Variants in PMPCB observed in about 807,000 individuals in gnomAD.
PMPCB encodes the protein peptidase, mitochondrial processing subunit beta.
Under a neutral mutation model 61.5 loss-of-function variants are expected in PMPCB, and 46 were observed. The observed-to-expected ratio is 0.75, with a 90% CI of 0.59 to 0.96. The LOEUF (loss-of-function observed/expected upper bound fraction) is 0.96, where lower values mean the gene tolerates loss of function less well. Among genes scored for constraint, PMPCB ranks in the 40% least tolerant of loss-of-function variants. The pLI, the probability that PMPCB is intolerant of heterozygous loss-of-function variation, is 0.00. For missense variants in PMPCB, 590 were observed against 602.4 expected (o/e 0.98, Z 0.22); for synonymous variants, 191 against 201.6 (o/e 0.95, Z 0.44).
the PMPCB span, chr7:103,344,858 T>C: frequency 1.7e-6 from 1 of 581,778 alleles, no homozygotes; most frequent in South Asian, 2.1e-5. Flanking sequence ...AGTTCTATAC[T>C]GACTGAGATC....
At position 103,312,269 on chromosome 7, in the gene PMPCB, T is replaced by A. The variant is rs1817786655; in HGVS notation, c.1468T>A (p.Ter490LysextTer33). Residue 490 changes from the stop codon to lysine (K), a stop_lost, in exon 13 of 13, where the codon TAA becomes AAA. Coordinates refer to ENST00000249269, the MANE Select transcript of PMPCB (RefSeq NM_004279.3). Reference sequence around the variant, plus strand: ...CAGTAACATGTGTTGGCTTCGTGATTAAAATGCTCCTAATCAAGATTGTTT... The same window carrying A: ...CAGTAACATGTGTTGGCTTCGTGATAAAAATGCTCCTAATCAAGATTGTTT... ...IRSNMCWLRD[*>K] is the part of the protein sequence containing the mutation. 5.6e-6 allele frequency: 9 copies of A among 1,610,426 alleles called. No homozygotes were observed. Among genetic ancestry groups the A allele is most frequent in the Non-Finnish European group, 7.6e-6 (9 of 1,179,894 alleles).
intron 1 of PMPCB, 107 bp downstream of exon 1, chr7:103,297,665 C>G: frequency 6.4e-7 from 1 of 1,550,450 alleles, no homozygotes; most frequent in Non-Finnish European, 8.7e-7. Context: ...GGCAGGGCCT[C>G]CTCGACCCGG....
chr7:103,314,075 G>T lies in PMPCB; in HGVS notation c.*1804G>T, dbSNP rs551638352. The stretch of plus-strand genomic sequence containing the variant: ...CACCACCTATTCAAAACAAAGCAGA[G>T]AATTTGTATAATATTTGATGGTACC... On this transcript the variant is annotated 3_prime_UTR_variant, in exon 13 of 13. Coordinates refer to ENST00000249269, the MANE Select transcript of PMPCB (RefSeq NM_004279.3). 1.6e-4 allele frequency: 159 copies of T among 985,340 alleles called. 1 individual carries two copies. In the Admixed American group the frequency reaches 9.2e-3, roughly 57 times the overall value. The allele number at this position is 985,340 out of a possible 1,614,324, so 61.0% of individuals were successfully genotyped here. A position where few individuals can be genotyped will look rare whatever the true frequency, so the allele number is the denominator to read the frequency against.
the PMPCB span, among the ~76,000 whole-genome samples, chr7:103,346,788 T>C: frequency 6.6e-6 from 1 of 152,078 alleles, no homozygotes; most frequent in Non-Finnish European, 1.5e-5. Context: ...TAGCTTATAC[T>C]AGAATTTCAT....
Position 103,298,581 on chromosome 7 carries a change from G to A in PMPCB, c.113G>A (p.Gly38Glu), listed in dbSNP as rs1586036310. Reference sequence around the variant, plus strand: ...ACCCCCAACCAGTCATTATATTTTGGAGAGAACAGATTAAGAAGTACACAG... The same window carrying A: ...ACCCCCAACCAGTCATTATATTTTGAAGAGAACAGATTAAGAAGTACACAG... Reference protein sequence around the residue: ...RGAAGRSLYFGENRLRSTQAA... With the variant: ...RGAAGRSLYFEENRLRSTQAA... The change falls in exon 2 of 13, where the codon GGA becomes GAA. Residue 38 changes from glycine to glutamate, a missense_variant. Gly to Glu is a moderately conservative substitution (Grantham distance 98, BLOSUM62 -2). Coordinates refer to ENST00000249269, the MANE Select transcript of PMPCB (RefSeq NM_004279.3). 1.9e-6 allele frequency: 3 copies of A among 1,613,886 alleles called. No homozygotes were observed. The highest frequency in any genetic ancestry group is 1.7e-4 in the Middle Eastern group (1 of 6,050).
Position 103,307,602 on chromosome 7 carries a change from C to T in PMPCB, c.743C>T (p.Ser248Phe), listed in dbSNP as rs1231603115. ...RIVLAAAGGV[S>F]HDELLDLAKF... is the part of the protein sequence containing the mutation. ...ATATTTTCTTTCAATTTAGGTGTTT[C>T]CCATGATGAATTGCTTGACTTAGCA... Residue 248 changes from serine to phenylalanine, a missense_variant, in exon 7 of 13, where the codon TCC (serine) becomes TTC (phenylalanine). Physicochemically the swap from Ser to Phe is radical, Grantham distance 155 (BLOSUM62 -2). Transcript: ENST00000249269. 6.3e-7 allele frequency: 1 copy of T among 1,596,158 alleles called. No homozygotes were observed. The highest frequency in any genetic ancestry group is 2.2e-5 in the East Asian group (1 of 44,784).
downstream of PMPCB, chr7:103,319,635 C>G (rs773634289): frequency 3.1e-6 from 5 of 1,614,112 alleles, no homozygotes; most frequent in Non-Finnish European, 4.2e-6. Flanking sequence ...GCCTTTCCTA[C>G]TTCTTTTGTG....
chr7:103,321,799 G>A (rs1195310707), intron 12 of PMPCB: 1 of 957,918 alleles, frequency 1.0e-6, no homozygotes, highest in African/African-American at 1.7e-5. Flanking sequence ...GGTGAACTGA[G>A]ATCGCGCCAC....
At chr7:103,322,383 C>T in intron 12 of PMPCB, 1 of 1,000,842 alleles carries the variant, frequency 1.0e-6, no homozygotes, top group South Asian at 1.8e-5. Flanking sequence ...GGTCATGATT[C>T]ATTCACAGTA....
At position 103,313,413 on chromosome 7, in the gene PMPCB, T is replaced by TTATAG. The variant is rs1215166593; in HGVS notation, c.*1145_*1149dup. Reference sequence around the variant, plus strand: ...GACTGGTAAAAAGCCATATTTAAATTTATAGTACTGTTGGACTCTTGGACT... The same window carrying TTATAG: ...GACTGGTAAAAAGCCATATTTAAATTTATAGTATAGTACTGTTGGACTCTTGGACT... On this transcript the variant is annotated 3_prime_UTR_variant, in exon 13 of 13. Transcript: ENST00000249269. 1 of 983,928 alleles carries TTATAG rather than the reference T, an allele frequency of 1.0e-6. No homozygotes were observed. The highest frequency in any genetic ancestry group is 1.7e-5 in the African/African-American group (1 of 57,216). The allele number at this position is 983,928 out of a possible 1,614,324, so 60.9% of individuals were successfully genotyped here. A position where few individuals can be genotyped will look rare whatever the true frequency, so the allele number is the denominator to read the frequency against.
chr7:103,338,649 C>T, the PMPCB span, among the ~76,000 whole-genome samples: 795 of 152,050 alleles, frequency 5.2e-3, 6 homozygotes, highest in African/African-American at 0.018. Flanking sequence ...TGCCAGCTTA[C>T]GCCTGTAATC....
chr7:103,323,756 C>T lies in PMPCB; in HGVS notation c.*1432-5175C>T, dbSNP rs556555039. Reference sequence around the variant, plus strand: ...TGAATGAATTTGTTTTAATGGATACCTTTCCTTCCCTTCTAGTATTGAACT... The same window carrying T: ...TGAATGAATTTGTTTTAATGGATACTTTTCCTTCCCTTCTAGTATTGAACT... On this transcript the variant is annotated intron_variant and NMD_transcript_variant, in intron 12 of 12. Coordinates refer to the PMPCB transcript ENST00000444457. 1.5e-5 allele frequency: 14 copies of T among 948,086 alleles called. No individual in the cohort carries two copies. In the South Asian group the frequency reaches 2.3e-4, roughly 16 times the overall value. 58.7% of individuals were successfully genotyped at this position (948,086 alleles called of 1,614,324 possible). A position where few individuals can be genotyped will look rare whatever the true frequency, so the allele number is the denominator to read the frequency against.
At chr7:103,308,242 T>C (rs1172530323) in intron 7 of PMPCB, among the ~76,000 whole-genome samples, 1 of 152,194 alleles carries the variant, frequency 6.6e-6, no homozygotes, top group Non-Finnish European at 1.5e-5. Context: ...ATCTGGAAAA[T>C]GCCCTGATAT....
the PMPCB span, among the ~76,000 whole-genome samples, chr7:103,342,610 ATT>A: frequency 3.9e-3 from 535 of 136,388 alleles, 4 homozygotes; most frequent in African/African-American, 0.014. Flanking sequence ...CACCTGGACA[ATT>A]TTTTTTTTTT....
chr7:103,320,656 A>G (rs1317905222), intron 12 of PMPCB, among the ~76,000 whole-genome samples: 3 of 150,992 alleles, frequency 2.0e-5, no homozygotes, highest in Non-Finnish European at 4.4e-5. Context: ...AGGCAGGAGC[A>G]TGGCGTGAAC....
chr7:103,327,377 TC>T, intron 12 of PMPCB: 1 of 1,241,694 alleles, frequency 8.1e-7, no homozygotes, highest in Non-Finnish European at 1.1e-6. Flanking sequence ...CACCTGGGGA[TC>T]CTGTTAAAAT....
At chr7:103,301,116 C>T (rs1817439065) in intron 4 of PMPCB, among the ~76,000 whole-genome samples, 1 of 152,162 alleles carries the variant, frequency 6.6e-6, no homozygotes, top group Admixed American at 6.5e-5. Flanking sequence ...TATATATTAT[C>T]CATTTGATGT....
chr7:103,313,615 C>A lies in PMPCB; in HGVS notation c.*1344C>A. On this transcript the variant is annotated 3_prime_UTR_variant, in exon 13 of 13. Coordinates refer to ENST00000249269, the MANE Select transcript of PMPCB (RefSeq NM_004279.3). ...AAGCCAAGTGCCCAAGGTACCAGTG[C>A]TGGAGAGGCAAGCTGAGATTAGATT... 1.0e-6 allele frequency: 1 copy of A among 984,708 alleles called. No individual in the cohort carries two copies. The highest frequency in any genetic ancestry group is 1.2e-6 in the Non-Finnish European group (1 of 829,306). 61.0% of individuals were successfully genotyped at this position (984,708 alleles called of 1,614,324 possible).
Position 103,312,567 on chromosome 7 carries a change from T to C in PMPCB, c.*296T>C, listed in dbSNP as rs1333298909. On this transcript the variant is annotated 3_prime_UTR_variant, in exon 13 of 13. Transcript: ENST00000249269. ...ATAAAAATGCACACACAACAAAGATTGTCATTTCTTGGCTCTACTTGCATT... is the reference window on the plus strand; with the variant it reads ...ATAAAAATGCACACACAACAAAGATCGTCATTTCTTGGCTCTACTTGCATT... 1 of 1,610,726 alleles carries C rather than the reference T, an allele frequency of 6.2e-7. No individual in the cohort carries two copies. Among genetic ancestry groups the C allele is most frequent in the Non-Finnish European group, 8.5e-7 (1 of 1,179,160 alleles).
Sources: gnomAD v4.1 joint callset for allele counts (sites outside exome capture counted in the v4.1 genomes callset) on GRCh38, gnomAD v4.1.1 for gene constraint, MANE v1.5 for transcripts, NCBI Gene and HGNC (gene_info 2026-07-23, HGNC 2026-07-21) for gene names.